ADGRL2: variants seen among roughly 807,000 people sequenced by gnomAD.
ADGRL2 encodes the protein calcium-independent alpha-latrotoxin receptor 2.
In ADGRL2, 44 loss-of-function variants were observed where a neutral mutation model predicts 157.4. That is an observed-to-expected ratio of 0.28 (90% confidence interval 0.22 to 0.36). The LOEUF is 0.36. ADGRL2 is among the 10% of genes least tolerant of loss of function. ADGRL2 has a pLI of 1.00. For missense variants in ADGRL2, 1,510 were observed against 1,768.9 expected (o/e 0.85, Z 2.63); for synonymous variants, 585 against 624.7 (o/e 0.94, Z 0.95).
chr1:81,808,846 T>A (rs995031850), intron 1 of ADGRL2, among the ~76,000 whole-genome samples: 1 of 152,018 alleles, frequency 6.6e-6, no homozygotes, highest in Non-Finnish European at 1.5e-5. Context: ...GCACCCAGAT[T>A]TACGGAAGTG....
At chr1:81,412,207 A>G (rs1367083733) in intron 1 of ADGRL2, among the ~76,000 whole-genome samples, 2 of 152,228 alleles carry the variant, frequency 1.3e-5, no homozygotes, top group Non-Finnish European at 2.9e-5. Context: ...AATAAGAGCC[A>G]GGATTCAAGC....
Position 81,951,121 on chromosome 1 carries a change from G to T in ADGRL2, c.1608G>T (p.Lys536Asn), listed in dbSNP as rs1170099299. Reference sequence around the variant, plus strand: ...ACTGGGTGAATCAGCTGGCTCAGAAGGTTGGTTGGAACCTTTTAATATGAC... The same window carrying T: ...ACTGGGTGAATCAGCTGGCTCAGAATGTTGGTTGGAACCTTTTAATATGAC... ...TSHWVNQLAQ[K>N]IRSGENAASL... is the part of the protein sequence containing the mutation. Residue 536 changes from lysine (K) to asparagine (N), a missense_variant and splice_region_variant, in exon 8 of 24, where the codon AAG becomes AAT. Lys to Asn is a moderately conservative substitution (Grantham distance 94). Coordinates refer to ENST00000686636, the MANE Select transcript of ADGRL2 (RefSeq NM_001366006.2). 1 of 1,607,862 alleles carries T rather than the reference G, an allele frequency of 6.2e-7. No homozygotes were observed. The highest frequency in any genetic ancestry group is 8.5e-7 in the Non-Finnish European group (1 of 1,174,590).
intron 2 of ADGRL2, among the ~76,000 whole-genome samples, chr1:81,775,584 T>TTA (rs1485618145): frequency 1.3e-4 from 18 of 138,782 alleles, no homozygotes; most frequent in Middle Eastern, 3.6e-3. Flanking sequence ...GGTCCTGGTT[T>TTA]AAAAAAAAAA....
At chr1:81,830,656 C>T (rs911000725) in intron 1 of ADGRL2, among the ~76,000 whole-genome samples, 9 of 151,982 alleles carry the variant, frequency 5.9e-5, no homozygotes, top group African/African-American at 1.7e-4. Context: ...TACAAGTGCC[C>T]GCCACCACGC....
At chr1:81,448,530 CT>C (rs146281181) in intron 2 of ADGRL2, among the ~76,000 whole-genome samples, 9 of 152,124 alleles carry the variant, frequency 5.9e-5, no homozygotes, top group Non-Finnish European at 1.3e-4. Context: ...TCTACACCCC[CT>C]GATCTCATCA....
At chr1:81,520,376 A>G (rs2079285102) in intron 2 of ADGRL2, among the ~76,000 whole-genome samples, 1 of 151,558 alleles carries the variant, frequency 6.6e-6, no homozygotes, top group Non-Finnish European at 1.5e-5. Context: ...CCCCTCTGCC[A>G]CACACACACA....
chr1:81,857,407 A>T (rs932039039), intron 2 of ADGRL2, among the ~76,000 whole-genome samples: 2 of 152,220 alleles, frequency 1.3e-5, no homozygotes, highest in Non-Finnish European at 2.9e-5. Flanking sequence ...CACTGTTCAC[A>T]CTTGAGCTAG....
chr1:81,970,068 G>A (rs147806732), intron 15 of ADGRL2, among the ~76,000 whole-genome samples: 2,520 of 152,138 alleles, frequency 0.017, 45 homozygotes, highest in South Asian at 0.059. Context: ...TTATAGTAAT[G>A]TTCTTCCTTG....
intron 6 of ADGRL2, among the ~76,000 whole-genome samples, chr1:81,947,179 C>A (rs1162552532): frequency 6.6e-6 from 1 of 152,108 alleles, no homozygotes; most frequent in African/African-American, 2.4e-5. Context: ...GGATTAGAGT[C>A]ATAATTCTAT....
At chr1:81,546,506 T>C (rs998329657) in intron 2 of ADGRL2, among the ~76,000 whole-genome samples, 2 of 152,196 alleles carry the variant, frequency 1.3e-5, no homozygotes, top group Admixed American at 6.5e-5. Flanking sequence ...ATAATAATGA[T>C]AAATTAGGAA....
intron 1 of ADGRL2, among the ~76,000 whole-genome samples, chr1:81,373,913 G>C (rs953554547): frequency 2.0e-5 from 3 of 152,160 alleles, no homozygotes; most frequent in Non-Finnish European, 2.9e-5. Context: ...CTGAAGCAAA[G>C]ATTACATTCA....
chr1:81,864,508 A>T (rs1472550601), intron 2 of ADGRL2, among the ~76,000 whole-genome samples: 3 of 152,192 alleles, frequency 2.0e-5, no homozygotes, highest in Non-Finnish European at 4.4e-5. Context: ...TAAATTTTTT[A>T]AAAAATTAAG....
chr1:81,891,413 G>A (rs764107213), intron 2 of ADGRL2, among the ~76,000 whole-genome samples: 1 of 152,020 alleles, frequency 6.6e-6, no homozygotes, highest in African/African-American at 2.4e-5. Context: ...ATTTGGTAAA[G>A]CTCTTCTCAG....
chr1:81,577,735 A>C (rs1474100459), intron 2 of ADGRL2, among the ~76,000 whole-genome samples: 1 of 152,190 alleles, frequency 6.6e-6, no homozygotes, highest in Non-Finnish European at 1.5e-5. Flanking sequence ...TAGGCAAAAA[A>C]TTCAAGTTGA....
chr1:81,876,057 G>A (rs117498515), intron 2 of ADGRL2, among the ~76,000 whole-genome samples: 1 of 152,196 alleles, frequency 6.6e-6, no homozygotes, highest in East Asian at 1.9e-4. Flanking sequence ...AATGGTTAAG[G>A]TATTGTAAAA....
intron 1 of ADGRL2, among the ~76,000 whole-genome samples, chr1:81,747,584 G>A (rs1224677851): frequency 1.3e-5 from 2 of 152,052 alleles, no homozygotes; most frequent in East Asian, 1.9e-4. Context: ...TTACAGGTGT[G>A]AGCCACCATG....
chr1:81,978,639 T>C (rs1660824920), intron 17 of ADGRL2, among the ~76,000 whole-genome samples: 1 of 151,770 alleles, frequency 6.6e-6, no homozygotes, highest in African/African-American at 2.4e-5. Context: ...GCTCCTAAAC[T>C]CATCATTAGG....
chr1:81,886,333 G>A (rs757006124), intron 2 of ADGRL2, among the ~76,000 whole-genome samples: 5 of 151,924 alleles, frequency 3.3e-5, no homozygotes, highest in Non-Finnish European at 7.4e-5. Flanking sequence ...CACCACACCC[G>A]GCTAATTTTT....
At chr1:81,820,806 A>G (rs1031503187) in intron 1 of ADGRL2, among the ~76,000 whole-genome samples, 1 of 152,126 alleles carries the variant, frequency 6.6e-6, no homozygotes, top group African/African-American at 2.4e-5. Context: ...AAAAAAGATC[A>G]GTAGTTTTTC....
Sources: allele counts gnomAD v4.1 joint callset (sites outside exome capture counted in the v4.1 genomes callset), GRCh38; gene constraint gnomAD v4.1.1; transcripts MANE v1.5; gene names NCBI Gene and HGNC (gene_info 2026-07-23, HGNC 2026-07-21).